CCNY: variants seen among roughly 807,000 people sequenced by gnomAD.
CCNY encodes cyclin Y, also known as cyclin-Y.
In CCNY, 19 loss-of-function variants were observed where a neutral mutation model predicts 42.8. The ratio of observed to expected loss-of-function variants is 0.44; its 90% CI spans 0.31 to 0.65. The LOEUF is 0.65. CCNY is among the 30% of genes least tolerant of loss of function. CCNY has a pLI of 0.07. For missense variants in CCNY, 370 were observed against 437.3 expected (o/e 0.85, Z 1.37); for synonymous variants, 165 against 162.7 (o/e 1.01, Z -0.11).
At chr10:35,473,017 T>C (rs911419010) in intron 1 of CCNY, among the ~76,000 whole-genome samples, 3 of 152,238 alleles carry the variant, frequency 2.0e-5, no homozygotes, top group Non-Finnish European at 4.4e-5. Context: ...GCAATATTTA[T>C]TTTTGACTCA....
At position 35,412,181 on chromosome 10, in the gene CCNY, T is replaced by A. The variant is rs181586660; in HGVS notation, c.155-71223T>A. ...ACCTCCCACTTAATGCAAGGGCACA[T>A]CCTGTGACTAGGGGGCAGAGGGGGA... On this transcript the variant is annotated intron_variant, in intron 1 of 9. Transcript: ENST00000374704. 3.1e-3 allele frequency among the ~76,000 whole-genome samples: 479 copies of A among 152,272 alleles called. 4 individuals are homozygous for A. The highest frequency in any genetic ancestry group is 0.014 in the Middle Eastern group (4 of 294).
At chr10:35,491,304 G>T (rs902838189) in intron 2 of CCNY, among the ~76,000 whole-genome samples, 11 of 152,342 alleles carry the variant, frequency 7.2e-5, no homozygotes, top group Middle Eastern at 3.4e-3. Context: ...CTCCTTAGAA[G>T]ATTGCTCTCC....
At chr10:35,422,960 T>C (rs1838190080) in intron 1 of CCNY, among the ~76,000 whole-genome samples, 1 of 152,176 alleles carries the variant, frequency 6.6e-6, no homozygotes. Context: ...ACTTTACATT[T>C]TGTTAGATGG....
At chr10:35,359,825 C>T (rs1327815347) in intron 1 of CCNY, among the ~76,000 whole-genome samples, 2 of 152,220 alleles carry the variant, frequency 1.3e-5, no homozygotes, top group African/African-American at 4.8e-5. Flanking sequence ...CTTTTGGTGC[C>T]TAAATTTGGA....
At chr10:35,414,001 A>C (rs898031589) in intron 1 of CCNY, among the ~76,000 whole-genome samples, 5 of 152,210 alleles carry the variant, frequency 3.3e-5, no homozygotes, top group Non-Finnish European at 7.3e-5. Context: ...AGCTGCTGTC[A>C]AAATGTAGAT....
chr10:35,563,882 T>A, intron 8 of CCNY, among the ~76,000 whole-genome samples: 1 of 151,172 alleles, frequency 6.6e-6, no homozygotes, highest in South Asian at 2.1e-4. Flanking sequence ...CTAATTTTTT[T>A]TTTTTTTTTT....
intron 1 of CCNY, among the ~76,000 whole-genome samples, chr10:35,352,491 GC>G (rs1162185543): frequency 6.6e-6 from 1 of 152,188 alleles, no homozygotes; most frequent in Non-Finnish European, 1.5e-5. Context: ...AAATATGGTA[GC>G]CTGAGCAGAG....
At chr10:35,515,432 C>G (rs1292319840) in intron 3 of CCNY, among the ~76,000 whole-genome samples, 1 of 152,146 alleles carries the variant, frequency 6.6e-6, no homozygotes, top group Non-Finnish European at 1.5e-5. Context: ...TACTTTATTA[C>G]TGAGGAAACC....
In CCNY at chr10:35,442,816, C is replaced by T. The variant is rs192902187; in HGVS notation, c.155-40588C>T. On this transcript the variant is annotated intron_variant, in intron 1 of 9. Transcript: ENST00000374704. ...TGAAGGTGGTATGTTCTAAGAAGTG[C>T]TTTCTGAGAAATGTCTCATTAAGTG... Among the ~76,000 whole-genome samples the T allele has an allele frequency of 2.3e-3, 344 of 152,252 alleles. 1 individual carries two copies. Among genetic ancestry groups the T allele is most frequent in the African/African-American group, 7.8e-3 (324 of 41,540 alleles).
At chr10:35,358,821 A>C (rs1006703714) in intron 1 of CCNY, among the ~76,000 whole-genome samples, 1 of 152,196 alleles carries the variant, frequency 6.6e-6, no homozygotes, top group African/African-American at 2.4e-5. Context: ...GAGGAGCTAG[A>C]TCCAGATGGC....
chr10:35,520,802 G>A (rs987378321), intron 4 of CCNY, among the ~76,000 whole-genome samples: 3 of 152,158 alleles, frequency 2.0e-5, no homozygotes, highest in African/African-American at 7.2e-5. Context: ...AATGCCAACA[G>A]CTGTGGTATG....
chr10:35,433,915 A>G (rs887713650), intron 1 of CCNY, among the ~76,000 whole-genome samples: 4 of 152,182 alleles, frequency 2.6e-5, no homozygotes, highest in African/African-American at 9.7e-5. Flanking sequence ...TGGCTAAGAA[A>G]TAGTTGTTTC....
At position 35,304,314 on chromosome 10, in the gene CCNY, T is replaced by A. The variant is rs1216682993; in HGVS notation, c.-9+53688T>A. 1.2e-3 allele frequency among the ~76,000 whole-genome samples: 58 copies of A among 49,364 alleles called. 19 individuals are homozygous for A. The highest frequency in any genetic ancestry group is 8.1e-3 in the East Asian group (14 of 1,724). The allele number at this position is 49,364 out of a possible 152,430, so 32.4% of individuals were successfully genotyped here. ...CTTTTATTTTTTTTTTTTTTTTATT[T>A]TTTATTTTTTTTTGAGACGGAGTCT... On this transcript the variant is annotated intron_variant, in intron 3 of 11. Coordinates refer to the CCNY transcript ENST00000374706.
chr10:35,570,466 A>G lies in CCNY; in HGVS notation c.*1296A>G, dbSNP rs567180367. 6.6e-6 allele frequency: 1 copy of G among 152,450 alleles called. No individual in the cohort carries two copies. Among genetic ancestry groups the G allele is most frequent in the Admixed American group, 6.5e-5 (1 of 15,302 alleles). 9.4% of individuals were successfully genotyped at this position (152,450 alleles called of 1,614,324 possible). ...GATCCCTGATTTCCTTATGGACTCA[A>G]TAAGAATCTTTTATATCAAGTAAAA... On this transcript the variant is annotated 3_prime_UTR_variant, in exon 10 of 10. Transcript: ENST00000374704.
chr10:35,534,330 G>A (rs1840834224), intron 7 of CCNY, among the ~76,000 whole-genome samples: 1 of 152,192 alleles, frequency 6.6e-6, no homozygotes, highest in African/African-American at 2.4e-5. Flanking sequence ...CCCTGCTTAA[G>A]CTTTCTGAAG....
intron 1 of CCNY, among the ~76,000 whole-genome samples, chr10:35,361,820 T>C: frequency 6.6e-6 from 1 of 152,234 alleles, no homozygotes; most frequent in South Asian, 2.1e-4. Context: ...ATCCCTGATC[T>C]GAAAATCTGA....
At chr10:35,378,664 G>A (rs1837108945) in intron 1 of CCNY, among the ~76,000 whole-genome samples, 1 of 152,148 alleles carries the variant, frequency 6.6e-6, no homozygotes, top group Non-Finnish European at 1.5e-5. Context: ...TGCTGGGGGA[G>A]TTAGAATATG....
chr10:35,488,807 CCCA>C (rs1256806424), intron 2 of CCNY, among the ~76,000 whole-genome samples: 2 of 152,150 alleles, frequency 1.3e-5, no homozygotes, highest in African/African-American at 4.8e-5. Flanking sequence ...TGATTTGATA[CCCA>C]CCTTCAGTCC....
intron 2 of CCNY, among the ~76,000 whole-genome samples, chr10:35,493,581 T>A (rs1429990061): frequency 6.6e-6 from 1 of 152,224 alleles, no homozygotes; most frequent in Admixed American, 6.5e-5. Context: ...GCAGTCACCA[T>A]GTAAGAATAG....
Sources: gnomAD v4.1 joint callset for allele counts (sites outside exome capture counted in the v4.1 genomes callset) on GRCh38, gnomAD v4.1.1 for gene constraint, MANE v1.5 for transcripts, NCBI Gene and HGNC (gene_info 2026-07-23, HGNC 2026-07-21) for gene names.